Variants in LHX8 observed in about 807,000 individuals in gnomAD.
LHX8 encodes the protein LIM/homeobox protein Lhx8.
A neutral mutation model predicts 40.3 loss-of-function variants in LHX8; 12 were observed. The ratio of observed to expected loss-of-function variants is 0.30; its 90% CI spans 0.19 to 0.48. LHX8 has a LOEUF of 0.48. LHX8 is among the 20% of genes least tolerant of loss of function. LHX8 has a pLI of 0.99. For missense variants in LHX8, 344 were observed against 433.7 expected (o/e 0.79, Z 1.84); for synonymous variants, 179 against 162.0 (o/e 1.10, Z -0.80).
chr1:75,186,578 G>T, the LHX8 span, among the ~76,000 whole-genome samples: 2 of 152,148 alleles, frequency 1.3e-5, no homozygotes, highest in African/African-American at 2.4e-5. Context: ...CTTACTTAGG[G>T]TATAGGAGAA....
chr1:75,194,254 AG>A, the LHX8 span, among the ~76,000 whole-genome samples: 1 of 152,106 alleles, frequency 6.6e-6, no homozygotes, highest in African/African-American at 2.4e-5. Context: ...CCCCATGATG[AG>A]GGCAGTGGCA....
chr1:75,141,790 G>T (rs1648317409), intron 4 of LHX8, among the ~76,000 whole-genome samples: 1 of 152,036 alleles, frequency 6.6e-6, no homozygotes, highest in African/African-American at 2.4e-5. Context: ...TCTCAAGAAT[G>T]ACTTTTAAAA....
rs116963298 is a variant in LHX8 at position 75,154,716 on chromosome 1, A to G, written c.781-2177A>G. Among the ~76,000 whole-genome samples the G allele has an allele frequency of 1.6e-4, 24 of 152,204 alleles. No individual in the cohort carries two copies. In the East Asian group the frequency reaches 4.5e-3, roughly 28 times the overall value. ...CTGTGGAGTTTGGGGTGTGGTCTAT[A>G]GGTATCTCTGAGTCTCACTAACACT... On this transcript the variant is annotated intron_variant, in intron 7 of 8. Transcript: ENST00000356261.
the LHX8 span, among the ~76,000 whole-genome samples, chr1:75,168,573 CT>C: frequency 2.0e-5 from 3 of 151,340 alleles, no homozygotes; most frequent in South Asian, 4.2e-4. Flanking sequence ...GTCAACCCCT[CT>C]TTTTTTTTAA....
At chr1:75,173,325 G>A in the LHX8 span, among the ~76,000 whole-genome samples, 392 of 150,968 alleles carry the variant, frequency 2.6e-3, 1 homozygote, top group Admixed American at 5.8e-3. Context: ...GCTTGTAAAT[G>A]GCAGAGCCAG....
At chr1:75,142,669 AATT>A (rs1648346747) in intron 4 of LHX8, among the ~76,000 whole-genome samples, 1 of 152,204 alleles carries the variant, frequency 6.6e-6, no homozygotes, top group Non-Finnish European at 1.5e-5. Flanking sequence ...ATCATTTTCT[AATT>A]ATCTTAACTT....
the LHX8 span, among the ~76,000 whole-genome samples, chr1:75,187,726 T>C: frequency 6.6e-6 from 1 of 152,124 alleles, no homozygotes; most frequent in African/African-American, 2.4e-5. Flanking sequence ...ATTGTCAGTG[T>C]GTGAAAACAA....
the LHX8 span, among the ~76,000 whole-genome samples, chr1:75,192,896 G>A: frequency 6.6e-6 from 1 of 152,160 alleles, no homozygotes. Context: ...GTTTTGCCAT[G>A]TTGGCCAGGC....
At chr1:75,164,469 G>A (rs912624521), downstream of LHX8, among the ~76,000 whole-genome samples, 4 of 152,002 alleles carry the variant, frequency 2.6e-5, no homozygotes, top group Admixed American at 2.0e-4. Context: ...TATTTCCCCA[G>A]TGTGAATTCT....
At chr1:75,132,850 T>C (rs1393695391), upstream of LHX8, 5 of 152,294 alleles carry the variant, frequency 3.3e-5, no homozygotes, top group Non-Finnish European at 7.3e-5. Flanking sequence ...AATCCTGCTC[T>C]ATACACGACC....
At chr1:75,148,296 T>C (rs966383243) in intron 6 of LHX8, among the ~76,000 whole-genome samples, 4 of 152,222 alleles carry the variant, frequency 2.6e-5, no homozygotes, top group Admixed American at 1.3e-4. Flanking sequence ...GCTATTTGAT[T>C]TGTGGGTTAT....
the LHX8 span, among the ~76,000 whole-genome samples, chr1:75,167,311 G>C: frequency 3.3e-5 from 5 of 152,252 alleles, no homozygotes; most frequent in Non-Finnish European, 5.9e-5. Context: ...TTCCCAAATG[G>C]TTATTGTGAC....
the LHX8 span, among the ~76,000 whole-genome samples, chr1:75,188,637 G>A: frequency 0.12 from 17,719 of 152,116 alleles, 1,710 homozygotes; most frequent in African/African-American, 0.26. Context: ...CTAGGTAGAG[G>A]CACTATTCCT....
chr1:75,174,734 T>C, the LHX8 span, among the ~76,000 whole-genome samples: 3 of 152,250 alleles, frequency 2.0e-5, no homozygotes, highest in Non-Finnish European at 2.9e-5. Flanking sequence ...TAGAACATGA[T>C]AAAGTGCTAC....
Position 75,142,747 on chromosome 1 carries a change from C to T in LHX8, c.360-371C>T, listed in dbSNP as rs151152863. 5.9e-5 allele frequency among the ~76,000 whole-genome samples: 9 copies of T among 152,134 alleles called. No homozygotes were observed. The East Asian group carries it at 1.4e-3, about 23-fold the overall frequency. On this transcript the variant is annotated intron_variant, in intron 4 of 8. Coordinates refer to ENST00000356261, the MANE Select transcript of LHX8 (RefSeq NM_001256114.2). ...TATAAATATCTTCAGCATACTTTTG[C>T]ACTTTTAGATTTTCAGTCTGGAGAG...
At chr1:75,181,338 C>T in the LHX8 span, among the ~76,000 whole-genome samples, 2 of 152,202 alleles carry the variant, frequency 1.3e-5, no homozygotes, top group Admixed American at 6.5e-5. Context: ...CAGAGAAAGA[C>T]AGGCTTCTTG....
intron 1 of LHX8, among the ~76,000 whole-genome samples, chr1:75,135,372 C>A (rs549822105): frequency 6.6e-6 from 1 of 152,342 alleles, no homozygotes; most frequent in South Asian, 2.1e-4. Context: ...GCTCCGAAGC[C>A]GGTTGGGGAC....
intron 4 of LHX8, 55 bp from the exon 5 acceptor site, chr1:75,143,063 T>G: frequency 7.3e-7 from 1 of 1,363,332 alleles, no homozygotes; most frequent in Non-Finnish European, 1.0e-6. Context: ...ATTCGACTGA[T>G]GAATATCTCA....
chr1:75,131,206 C>T (rs575238537), upstream of LHX8: 2 of 185,516 alleles, frequency 1.1e-5, no homozygotes, highest in South Asian at 2.3e-4. Context: ...AGGCGAGTCC[C>T]TAGAAGGCGG....
Sources: allele counts gnomAD v4.1 joint callset (sites outside exome capture counted in the v4.1 genomes callset), GRCh38; gene constraint gnomAD v4.1.1; transcripts MANE v1.5; gene names NCBI Gene and HGNC (gene_info 2026-07-23, HGNC 2026-07-21).